The following NFIB variants were observed in gnomAD, a reference collection of about 807,000 sequenced individuals.
NFIB encodes the protein nuclear factor I B, also known as nuclear factor 1 B-type.
A neutral mutation model predicts 61.5 loss-of-function variants in NFIB; 11 were observed. That is an observed-to-expected ratio of 0.18 (90% CI 0.11 to 0.30). The LOEUF (loss-of-function observed/expected upper bound fraction) is 0.30. Among genes scored for constraint, NFIB ranks in the 10% least tolerant of loss-of-function variants. NFIB has a pLI of 1.00. For missense variants in NFIB, 471 were observed against 608.9 expected (o/e 0.77, Z 2.38); for synonymous variants, 260 against 216.5 (o/e 1.20, Z -1.76).
At chr9:14,113,204 C>T (rs2037644922) in intron 9 of NFIB, 123 bp from the exon 10 acceptor site, 1 of 726,136 alleles carries the variant, frequency 1.4e-6, no homozygotes, top group Admixed American at 3.3e-5. Flanking sequence ...GTCTTCATTT[C>T]TCTTCTCTTT....
At chr9:14,331,534 T>G (rs984249385) in intron 1 of NFIB, among the ~76,000 whole-genome samples, 3 of 152,240 alleles carry the variant, frequency 2.0e-5, no homozygotes, top group Admixed American at 2.0e-4. Flanking sequence ...TTCAATACCC[T>G]GTGGGGATTA....
chr9:14,201,405 G>C (rs1342431162), intron 2 of NFIB, among the ~76,000 whole-genome samples: 1 of 152,148 alleles, frequency 6.6e-6, no homozygotes, highest in African/African-American at 2.4e-5. Flanking sequence ...AACAGTCCTA[G>C]AATATGCCGT....
chr9:14,233,186 T>C (rs1362734857), intron 2 of NFIB, among the ~76,000 whole-genome samples: 1 of 152,194 alleles, frequency 6.6e-6, no homozygotes, highest in Non-Finnish European at 1.5e-5. Context: ...AGATAGTACG[T>C]TGTGTTGAAA....
At chr9:14,409,041 G>A in the NFIB span, among the ~76,000 whole-genome samples, 2 of 152,116 alleles carry the variant, frequency 1.3e-5, no homozygotes, top group African/African-American at 4.8e-5. Context: ...TATGCCTAGT[G>A]ATATACTGGT....
the NFIB span, among the ~76,000 whole-genome samples, chr9:14,440,680 G>C: frequency 6.6e-6 from 1 of 152,174 alleles, no homozygotes; most frequent in Non-Finnish European, 1.5e-5. Context: ...TGATAACAAT[G>C]CCTCAGTCAC....
chr9:14,195,635 G>C (rs1374437656), intron 2 of NFIB, among the ~76,000 whole-genome samples: 1 of 152,178 alleles, frequency 6.6e-6, no homozygotes, highest in African/African-American at 2.4e-5. Context: ...ATCTGAATTT[G>C]GAAGTTTGGC....
the NFIB span, among the ~76,000 whole-genome samples, chr9:14,423,792 G>A: frequency 6.6e-6 from 1 of 152,192 alleles, no homozygotes. Context: ...TTCCTGCCAT[G>A]CAGGGAATAT....
upstream of NFIB, among the ~76,000 whole-genome samples, chr9:14,315,320 C>T (rs1235620744): frequency 6.6e-6 from 1 of 151,014 alleles, no homozygotes; most frequent in Non-Finnish European, 1.5e-5. Context: ...GCCCCGTGCA[C>T]GTGGCCTCGC....
At chr9:14,460,569 T>G in the NFIB span, among the ~76,000 whole-genome samples, 1 of 152,080 alleles carries the variant, frequency 6.6e-6, no homozygotes, top group Non-Finnish European at 1.5e-5. Context: ...TTACTTGATT[T>G]GAAAAAAGAA....
intron 2 of NFIB, among the ~76,000 whole-genome samples, chr9:14,254,244 C>T (rs1338463543): frequency 6.6e-6 from 1 of 151,782 alleles, no homozygotes; most frequent in African/African-American, 2.4e-5. Context: ...GAGGTTGCAG[C>T]GAGCCATGAT....
chr9:14,159,372 A>G lies in NFIB; in HGVS notation c.617-3479T>C, dbSNP rs1311417334. ...TCAGAACTTCTTTGGAACCTACTGG[A>G]TAAAATGCAAAAAACCACAGAGGTC... On this transcript the variant is annotated intron_variant, in intron 3 of 10. Coordinates refer to ENST00000380953, the MANE Select transcript of NFIB (RefSeq NM_001190737.2). 3.3e-5 allele frequency among the ~76,000 whole-genome samples: 5 copies of G among 152,188 alleles called. No individual in the cohort carries two copies. The South Asian group carries it at 1.0e-3, about 32-fold the overall frequency.
chr9:14,351,770 T>C (rs1464391098), intron 1 of NFIB, among the ~76,000 whole-genome samples: 2 of 152,236 alleles, frequency 1.3e-5, no homozygotes, highest in Non-Finnish European at 2.9e-5. Context: ...GTGAGCATGT[T>C]GTCCTGTCCT....
In NFIB at chr9:14,081,866, T is replaced by C. The variant is rs1431425489; in HGVS notation, c.*6443A>G. 1 of 185,482 alleles carries C rather than the reference T, an allele frequency of 5.4e-6. No individual in the cohort carries two copies. Among genetic ancestry groups the C allele is most frequent in the Non-Finnish European group, 1.1e-5 (1 of 87,340 alleles). 11.5% of individuals were successfully genotyped at this position (185,482 alleles called of 1,614,324 possible). A position where few individuals can be genotyped will look rare whatever the true frequency, so the allele number is the denominator to read the frequency against. On this transcript the variant is annotated 3_prime_UTR_variant, in exon 11 of 11. Transcript: ENST00000380953. ...GCCAGAGTCTGTAGCATAGCTCATTTTATTGTTTAAACAGTTTTTGCATAG... is the reference window on the plus strand; with the variant it reads ...GCCAGAGTCTGTAGCATAGCTCATTCTATTGTTTAAACAGTTTTTGCATAG...
At chr9:14,531,112 G>A in the NFIB span, among the ~76,000 whole-genome samples, 3 of 152,044 alleles carry the variant, frequency 2.0e-5, no homozygotes, top group Non-Finnish European at 2.9e-5. Context: ...GGATGTGAAA[G>A]GTTTTCTTTC....
At chr9:14,457,858 C>A in the NFIB span, among the ~76,000 whole-genome samples, 4 of 152,012 alleles carry the variant, frequency 2.6e-5, no homozygotes, top group Non-Finnish European at 4.4e-5. Context: ...CAGGCTCTGG[C>A]ATTGAGGCAA....
At chr9:14,148,923 G>C (rs1020771475) in intron 5 of NFIB, among the ~76,000 whole-genome samples, 2 of 152,258 alleles carry the variant, frequency 1.3e-5, no homozygotes, top group South Asian at 4.1e-4. Flanking sequence ...AAATCTGCCT[G>C]AAAAACTTAA....
At chr9:14,341,936 GA>G (rs1445219159) in intron 1 of NFIB, among the ~76,000 whole-genome samples, 5 of 21,344 alleles carry the variant, frequency 2.3e-4, no homozygotes, top group Non-Finnish European at 6.0e-4. Flanking sequence ...GACTCCTCGG[GA>G]GGAAAAAAAA....
At chr9:14,288,494 G>A (rs1204411830) in intron 2 of NFIB, among the ~76,000 whole-genome samples, 1 of 151,938 alleles carries the variant, frequency 6.6e-6, no homozygotes, top group Non-Finnish European at 1.5e-5. Context: ...ATATATCAAT[G>A]CCAAATGCAG....
At chr9:14,496,837 C>G in the NFIB span, among the ~76,000 whole-genome samples, 22 of 152,178 alleles carry the variant, frequency 1.4e-4, no homozygotes, top group Non-Finnish European at 1.8e-4. Context: ...AAATACTAGC[C>G]ATTGCATTTT....
Sources: gnomAD v4.1 joint callset for allele counts (sites outside exome capture counted in the v4.1 genomes callset) on GRCh38, gnomAD v4.1.1 for gene constraint, MANE v1.5 for transcripts, NCBI Gene and HGNC (gene_info 2026-07-23, HGNC 2026-07-21) for gene names.